The following TBC1D5 variants were observed in gnomAD, a reference collection of about 807,000 sequenced individuals.
The protein encoded by TBC1D5 is TBC1 domain family member 5, also known as TBC1 domain family, member 5.
In TBC1D5, 75 loss-of-function variants were observed where a neutral mutation model predicts 100.3. The observed-to-expected ratio is 0.75, with a 90% CI of 0.62 to 0.91. The LOEUF is 0.91. Ranked by LOEUF, TBC1D5 falls within the 40% of genes least tolerant of loss-of-function variation. TBC1D5 has a pLI of 0.00. For synonymous variants in TBC1D5, 323 were observed against 325.6 expected, an observed-to-expected ratio of 0.99 and a Z score of 0.09; for missense variants, 910 against 942.4, an observed-to-expected ratio of 0.97 and a Z score of 0.45.
chr3:17,229,157 T>C (rs940780214), intron 17 of TBC1D5, among the ~76,000 whole-genome samples: 4 of 151,832 alleles, frequency 2.6e-5, no homozygotes, highest in Admixed American at 1.3e-4. Context: ...ACGTATAACC[T>C]AGATAAGCAG....
chr3:17,297,984 T>C (rs1468808339), intron 14 of TBC1D5, among the ~76,000 whole-genome samples: 1 of 152,186 alleles, frequency 6.6e-6, no homozygotes, highest in African/African-American at 2.4e-5. Context: ...CCTCCGCATC[T>C]GTAAAATGTC....
intron 13 of TBC1D5, among the ~76,000 whole-genome samples, chr3:17,342,457 G>C (rs1313191669): frequency 6.6e-6 from 1 of 152,124 alleles, no homozygotes; most frequent in African/African-American, 2.4e-5. Flanking sequence ...TACACACCAA[G>C]ATGAACTCCT....
intron 2 of TBC1D5, among the ~76,000 whole-genome samples, chr3:17,580,954 T>C (rs982737098): frequency 2.0e-5 from 3 of 152,210 alleles, no homozygotes; most frequent in Non-Finnish European, 4.4e-5. Flanking sequence ...GCATCAATGT[T>C]ACATCTTGAT....
chr3:17,711,641 TA>T (rs2074745392), intron 1 of TBC1D5, among the ~76,000 whole-genome samples: 1 of 152,224 alleles, frequency 6.6e-6, no homozygotes, highest in African/African-American at 2.4e-5. Context: ...AAACACTACA[TA>T]TTTTTTCATT....
chr3:17,575,476 T>C (rs1028418563), intron 2 of TBC1D5, among the ~76,000 whole-genome samples: 6 of 152,020 alleles, frequency 3.9e-5, no homozygotes, highest in African/African-American at 9.7e-5. Flanking sequence ...ACCTACCCCA[T>C]AGTATTTCAG....
intron 17 of TBC1D5, among the ~76,000 whole-genome samples, chr3:17,237,299 AG>A (rs2075938691): frequency 6.6e-6 from 1 of 152,224 alleles, no homozygotes; most frequent in Non-Finnish European, 1.5e-5. Context: ...TCTAGAGTAC[AG>A]TTAGCAGAGT....
At chr3:17,709,888 C>T (rs1358784527) in intron 1 of TBC1D5, among the ~76,000 whole-genome samples, 1 of 152,104 alleles carries the variant, frequency 6.6e-6, no homozygotes, top group Non-Finnish European at 1.5e-5. Flanking sequence ...CCCAGGCAGG[C>T]TACTCCTTCC....
At chr3:17,477,591 A>G (rs2095452945) in intron 3 of TBC1D5, among the ~76,000 whole-genome samples, 1 of 152,030 alleles carries the variant, frequency 6.6e-6, no homozygotes, top group Non-Finnish European at 1.5e-5. Context: ...ACAACTGTAT[A>G]AGTCATTGTA....
rs962432969 is a variant in TBC1D5 at position 17,377,027 on chromosome 3, C to A, written c.613-414G>T. On this transcript the variant is annotated intron_variant, in intron 9 of 21. Coordinates refer to ENST00000253692, the Ensembl canonical transcript of TBC1D5. ...ACTGTAGACCTAAGGAAATTACATC[C>A]AATGTTTTCATTATATAATGGCTCA... 5.3e-5 allele frequency among the ~76,000 whole-genome samples: 8 copies of A among 151,980 alleles called. No individual in the cohort carries two copies. The East Asian group carries it at 1.2e-3, about 22-fold the overall frequency.
intron 1 of TBC1D5, among the ~76,000 whole-genome samples, chr3:17,716,953 G>C (rs1195420185): frequency 6.6e-6 from 1 of 152,142 alleles, no homozygotes; most frequent in Non-Finnish European, 1.5e-5. Flanking sequence ...GGAAGAATTA[G>C]ATTTGAGGAA....
At chr3:17,364,780 T>C (rs574292020) in intron 13 of TBC1D5, among the ~76,000 whole-genome samples, 1 of 152,186 alleles carries the variant, frequency 6.6e-6, no homozygotes, top group African/African-American at 2.4e-5. Context: ...GTTATTCTTC[T>C]CATTGCTGCT....
chr3:17,399,063 A>T (rs970763890), intron 8 of TBC1D5, among the ~76,000 whole-genome samples: 2 of 152,108 alleles, frequency 1.3e-5, no homozygotes, highest in Non-Finnish European at 2.9e-5. Context: ...GCAGCATTCC[A>T]GCAGAGGAGA....
intron 7 of TBC1D5, among the ~76,000 whole-genome samples, chr3:17,404,399 A>G (rs1462084437): frequency 6.6e-6 from 1 of 151,928 alleles, no homozygotes; most frequent in East Asian, 1.9e-4. Context: ...CCCCACTGCA[A>G]CCCTGATAAA....
At chr3:17,564,308 T>C (rs1162077728) in intron 2 of TBC1D5, among the ~76,000 whole-genome samples, 1 of 152,220 alleles carries the variant, frequency 6.6e-6, no homozygotes, top group Non-Finnish European at 1.5e-5. Flanking sequence ...TTCTCTTTCA[T>C]GATAGCCATA....
chr3:17,284,360 C>T (rs905278669), intron 15 of TBC1D5, among the ~76,000 whole-genome samples: 3 of 152,132 alleles, frequency 2.0e-5, no homozygotes, highest in African/African-American at 4.8e-5. Flanking sequence ...TCGAGTGATC[C>T]GCCTGCCTCT....
intron 3 of TBC1D5, among the ~76,000 whole-genome samples, chr3:17,504,518 AGAAAAATGGCATGTGT>A (rs2153225714): frequency 6.6e-6 from 1 of 152,312 alleles, no homozygotes; most frequent in African/African-American, 2.4e-5. Flanking sequence ...AAATAATGTC[AGAAAAATGGCATGTGT>A]GAAGGCCCAG....
intron 1 of TBC1D5, among the ~76,000 whole-genome samples, chr3:17,726,040 A>G (rs978359224): frequency 6.6e-6 from 1 of 152,178 alleles, no homozygotes; most frequent in African/African-American, 2.4e-5. Context: ...TACAACGGAC[A>G]TGATGTCATT....
intron 4 of TBC1D5, among the ~76,000 whole-genome samples, chr3:17,425,827 T>C (rs2094322348): frequency 6.7e-6 from 1 of 148,696 alleles, no homozygotes; most frequent in African/African-American, 2.6e-5. Context: ...AAGTTACCCA[T>C]TTAATGAAGT....
chr3:17,336,248 A>G (rs2087770076), intron 13 of TBC1D5, among the ~76,000 whole-genome samples: 1 of 152,150 alleles, frequency 6.6e-6, no homozygotes, highest in Non-Finnish European at 1.5e-5. Context: ...GTAATATTTT[A>G]GACTAGCAAA....
Sources: gnomAD v4.1 joint callset for allele counts (sites outside exome capture counted in the v4.1 genomes callset) on GRCh38, gnomAD v4.1.1 for gene constraint, MANE v1.5 for transcripts, NCBI Gene and HGNC (gene_info 2026-07-23, HGNC 2026-07-21) for gene names.